RASGRP3: variants seen among roughly 807,000 people sequenced by gnomAD.
RASGRP3 encodes RAS guanyl releasing protein 3.
RASGRP3 carries 54 observed loss-of-function variants against 82.7 expected under a neutral mutation model. The ratio of observed to expected loss-of-function variants is 0.65; its 90% CI spans 0.52 to 0.82. RASGRP3 has a LOEUF of 0.82. Ranked by LOEUF, RASGRP3 falls within the 40% of genes least tolerant of loss-of-function variation. RASGRP3 has a pLI of 0.00. For missense variants in RASGRP3, 861 were observed against 828.9 expected (o/e 1.04, Z -0.48); for synonymous variants, 309 against 300.5 (o/e 1.03, Z -0.29).
chr2:33,537,870 C>T (rs149282556), intron 11 of RASGRP3, among the ~76,000 whole-genome samples: 51 of 152,218 alleles, frequency 3.4e-4, no homozygotes, highest in Non-Finnish European at 5.9e-4. Context: ...ACTTTATATG[C>T]AAATGTCTTG....
chr2:33,508,085 A>C (rs1003931690), intron 1 of RASGRP3, among the ~76,000 whole-genome samples: 1 of 152,204 alleles, frequency 6.6e-6, no homozygotes, highest in Non-Finnish European at 1.5e-5. Flanking sequence ...TAATTCCCAG[A>C]TTTCTAGCTA....
intron 10 of RASGRP3, chr2:33,530,891 C>A (rs913359575): frequency 6.6e-6 from 1 of 152,206 alleles, no homozygotes; most frequent in Non-Finnish European, 1.5e-5. Flanking sequence ...ATTTGCCTTA[C>A]ATCCCAATTC....
intron 2 of RASGRP3, among the ~76,000 whole-genome samples, chr2:33,467,988 CTTTCTTTCTTTCTTTCTTTCTTTCTTT>C (rs1666808826): frequency 3.8e-5 from 1 of 26,300 alleles, no homozygotes; most frequent in African/African-American, 1.7e-4. Flanking sequence ...CTTTTTCTTT[CTTTCTTTCTTTCTTTCTTTCTTTCTTT>C]CTTTCTTTCT....
chr2:33,474,825 C>G (rs1667262239), upstream of RASGRP3, among the ~76,000 whole-genome samples: 1 of 152,194 alleles, frequency 6.6e-6, no homozygotes, highest in African/African-American at 2.4e-5. Context: ...TACCCAGTCT[C>G]AAGTATTTAT....
intron 1 of RASGRP3, among the ~76,000 whole-genome samples, chr2:33,503,227 T>C (rs1670047391): frequency 6.6e-6 from 1 of 152,202 alleles, no homozygotes; most frequent in African/African-American, 2.4e-5. Flanking sequence ...TTTTTTGTTC[T>C]GATAAGGAGG....
At chr2:33,439,502 A>G (rs1006960872) in intron 1 of RASGRP3, among the ~76,000 whole-genome samples, 2 of 152,214 alleles carry the variant, frequency 1.3e-5, no homozygotes, top group Non-Finnish European at 2.9e-5. Context: ...GCCCAGTTCA[A>G]TGTGAATTTC....
chr2:33,522,004 A>G lies in RASGRP3; in HGVS notation c.418A>G (p.Lys140Glu). The G allele has an allele frequency of 6.2e-7, 1 of 1,613,930 alleles. No homozygotes were observed. The highest frequency in any genetic ancestry group is 1.7e-5 in the Admixed American group (1 of 60,012). ...AGTCACACAGAGGAAAAAAGTATCC[A>G]AGAAGGGAAAAGCCTGTCTGCTGTT... ...RRVTQRKKVS[K>E]KGKACLLFDH... The change falls in exon 7 of 18, where the codon AAG (lysine) becomes GAG (glutamate). Residue 140 changes from lysine (K) to glutamate (E), a missense_variant. Transcript: ENST00000403687.
chr2:33,529,487 C>CAAAAAAAAAAAAAAAAAAAAAAAAAA lies in RASGRP3; in HGVS notation c.1083+2088_1083+2089insAAAAAAAAAAAAAAAAAAAAAAAAAA, dbSNP rs56664748. Reference sequence around the variant, plus strand: ...TGGGCGACAGAGCGAGACTCCATCTCAAAAAAAAAAAAATTCAGGAGTACA... The same window carrying CAAAAAAAAAAAAAAAAAAAAAAAAAA: ...TGGGCGACAGAGCGAGACTCCATCTCAAAAAAAAAAAAAAAAAAAAAAAAAAAAAAAAAAAAAAATTCAGGAGTACA... On this transcript the variant is annotated intron_variant, in intron 10 of 17. Coordinates refer to ENST00000403687, the MANE Select transcript of RASGRP3 (RefSeq NM_001139488.2). Among the ~76,000 whole-genome samples, 65 of 56,962 alleles carry CAAAAAAAAAAAAAAAAAAAAAAAAAA rather than the reference C, an allele frequency of 1.1e-3. 9 individuals carry two copies. Among genetic ancestry groups the CAAAAAAAAAAAAAAAAAAAAAAAAAA allele is most frequent in the African/African-American group, 4.3e-3 (46 of 10,768 alleles). 37.4% of individuals were successfully genotyped at this position (56,962 alleles called of 152,430 possible).
intron 1 of RASGRP3, among the ~76,000 whole-genome samples, chr2:33,494,216 C>A (rs1429365414): frequency 6.6e-6 from 1 of 152,184 alleles, no homozygotes; most frequent in Non-Finnish European, 1.5e-5. Flanking sequence ...ACTAGCACAA[C>A]CTCTTTCTCT....
chr2:33,452,553 G>A (rs529948062), intron 2 of RASGRP3, among the ~76,000 whole-genome samples: 1 of 152,312 alleles, frequency 6.6e-6, no homozygotes, highest in South Asian at 2.1e-4. Flanking sequence ...TGGACCCTGT[G>A]TTTGCAGGGG....
At chr2:33,452,407 G>A (rs1665847808) in intron 2 of RASGRP3, among the ~76,000 whole-genome samples, 1 of 152,204 alleles carries the variant, frequency 6.6e-6, no homozygotes, top group Non-Finnish European at 1.5e-5. Flanking sequence ...TGGGTGGGTT[G>A]TTTGGTGGAA....
At chr2:33,456,228 T>G (rs952814770) in intron 2 of RASGRP3, among the ~76,000 whole-genome samples, 1 of 152,326 alleles carries the variant, frequency 6.6e-6, no homozygotes, top group Admixed American at 6.5e-5. Flanking sequence ...GGAATTGAAC[T>G]GAGTAAAAAT....
At chr2:33,507,337 G>A (rs1328105544) in intron 1 of RASGRP3, among the ~76,000 whole-genome samples, 2 of 152,150 alleles carry the variant, frequency 1.3e-5, no homozygotes, top group Non-Finnish European at 2.9e-5. Flanking sequence ...AGAGGTTGAA[G>A]TGAGCCAAGA....
chr2:33,548,253 C>T (rs1045988133), intron 13 of RASGRP3, among the ~76,000 whole-genome samples: 2 of 147,110 alleles, frequency 1.4e-5, no homozygotes, highest in African/African-American at 2.5e-5. Flanking sequence ...CCCAGCTACT[C>T]GGGAGGCTGA....
chr2:33,562,235 C>G (rs2151128282), intron 17 of RASGRP3, among the ~76,000 whole-genome samples: 1 of 149,956 alleles, frequency 6.7e-6, no homozygotes, highest in Admixed American at 6.7e-5. Flanking sequence ...TTTAAGAGTT[C>G]ATATGCTGGG....
chr2:33,491,912 G>T (rs1046063637), intron 1 of RASGRP3, among the ~76,000 whole-genome samples: 1 of 152,248 alleles, frequency 6.6e-6, no homozygotes, highest in African/African-American at 2.4e-5. Context: ...GTGCTGAAGG[G>T]TAACGGGGGT....
chr2:33,483,780 C>T (rs977147561), intron 1 of RASGRP3, among the ~76,000 whole-genome samples: 6 of 152,140 alleles, frequency 3.9e-5, no homozygotes, highest in Admixed American at 2.0e-4. Flanking sequence ...TGAGCCACTG[C>T]GCCCGGCCTA....
In RASGRP3 at chr2:33,557,674, C is replaced by A. The variant is rs183326167; in HGVS notation, c.1580-537C>A. Among the ~76,000 whole-genome samples the A allele has an allele frequency of 9.4e-4, 142 of 150,382 alleles. 2 individuals carry two copies. The highest frequency in any genetic ancestry group is 3.4e-3 in the African/African-American group (140 of 40,794). On this transcript the variant is annotated intron_variant, in intron 15 of 17. Transcript: ENST00000403687. ...GCAGTGAGCCGAGATCCCGCCACTG[C>A]ACTCCAGCCTGGGCAATAGAGCGAG...
intron 2 of RASGRP3, among the ~76,000 whole-genome samples, chr2:33,465,684 T>C (rs756004676): frequency 2.0e-5 from 3 of 152,194 alleles, no homozygotes; most frequent in Non-Finnish European, 2.9e-5. Context: ...CAGCCTTAAA[T>C]TGGAAGAAGA....
Sources: gnomAD v4.1 joint callset for allele counts (sites outside exome capture counted in the v4.1 genomes callset) on GRCh38, gnomAD v4.1.1 for gene constraint, MANE v1.5 for transcripts, NCBI Gene and HGNC (gene_info 2026-07-23, HGNC 2026-07-21) for gene names.